SNX22: variants seen among roughly 807,000 people sequenced by gnomAD.
The protein encoded by SNX22 is sorting nexin 22.
In SNX22, 23 loss-of-function variants were observed where a neutral mutation model predicts 24.7. The ratio of observed to expected loss-of-function variants is 0.93; its 90% CI spans 0.67 to 1.32. The LOEUF (loss-of-function observed/expected upper bound fraction) is 1.32. Ranked by LOEUF, SNX22 falls within the 40% of genes most tolerant of loss-of-function variation. The probability of loss-of-function intolerance (pLI) is 0.00; values close to 1 mark genes in which losing one functional copy is unlikely to be tolerated. For missense variants in SNX22, 261 were observed against 249.9 expected (o/e 1.04, Z -0.30); for synonymous variants, 99 against 104.0 (o/e 0.95, Z 0.29).
At chr15:64,152,133 C>A in intron 1 of SNX22, 110 bp from the exon 2 acceptor site, 1 of 1,130,322 alleles carries the variant, frequency 8.8e-7, no homozygotes, top group Non-Finnish European at 1.2e-6. Context: ...CGCCGCAAGG[C>A]CGCTTTGTGC....
At chr15:64,154,059 C>T (rs746039379) in intron 6 of SNX22, 57 bp downstream of exon 6, 13 of 1,613,746 alleles carry the variant, frequency 8.1e-6, no homozygotes, top group African/African-American at 5.3e-5. Context: ...TTGCATTTCT[C>T]GGCTCCTGGG....
In SNX22 at chr15:64,155,862, G is replaced by A; in HGVS notation, c.*1354G>A. On this transcript the variant is annotated 3_prime_UTR_variant, in exon 7 of 7. Transcript: ENST00000325881. Reference sequence around the variant, plus strand: ...ACATTTTTTTTTATTGGTCAGTGTTGGTAGGAGTTTGTTACAAAAGTGAGT... The same window carrying A: ...ACATTTTTTTTTATTGGTCAGTGTTAGTAGGAGTTTGTTACAAAAGTGAGT... 9.6e-7 allele frequency: 1 copy of A among 1,044,452 alleles called. No individual in the cohort carries two copies. Among genetic ancestry groups the A allele is most frequent in the Non-Finnish European group, 1.5e-6 (1 of 686,862 alleles). 64.7% of individuals were successfully genotyped at this position (1,044,452 alleles called of 1,614,324 possible).
chr15:64,156,650 G>A lies in SNX22; in HGVS notation c.*2142G>A. 1 of 1,562,928 alleles carries A rather than the reference G, an allele frequency of 6.4e-7. No homozygotes were observed. Among genetic ancestry groups the A allele is most frequent in the Non-Finnish European group, 8.8e-7 (1 of 1,133,722 alleles). ...CTTTTGGGAAAGGGATGGACACATG[G>A]AGCTCCTGCCCTGGGGTCTGTGTTG... On this transcript the variant is annotated 3_prime_UTR_variant, in exon 7 of 7. Coordinates refer to ENST00000325881, the MANE Select transcript of SNX22 (RefSeq NM_024798.3). The surrounding 1 kb of genome is among the most constrained non-coding windows in gnomAD (Gnocchi z 6.4).
At chr15:64,154,299 T>C in intron 6 of SNX22, 88 bp from the exon 7 acceptor site, 3 of 1,590,362 alleles carry the variant, frequency 1.9e-6, no homozygotes, top group Non-Finnish European at 2.6e-6. Context: ...TGGCAGGGGC[T>C]CCTACTCCCA....
intron 6 of SNX22, 80 bp from the exon 7 acceptor site, chr15:64,154,307 C>T: frequency 6.3e-7 from 1 of 1,594,752 alleles, no homozygotes; most frequent in South Asian, 1.1e-5. Flanking sequence ...GCTCCTACTC[C>T]CAAGTGGGGG....
At chr15:64,154,154 A>T (rs751161970) in intron 6 of SNX22, 152 bp downstream of exon 6, 14 of 1,581,760 alleles carry the variant, frequency 8.9e-6, no homozygotes, top group Non-Finnish European at 8.6e-7. Flanking sequence ...CTTTGTAGAC[A>T]CAAGGAAAAC....
In SNX22 at chr15:64,154,779, T is replaced by C. The variant is rs916280325; in HGVS notation, c.*271T>C. 4.1e-5 allele frequency: 12 copies of C among 294,706 alleles called. No individual in the cohort carries two copies. Among genetic ancestry groups the C allele is most frequent in the Admixed American group, 4.0e-4 (9 of 22,270 alleles). 18.3% of individuals were successfully genotyped at this position (294,706 alleles called of 1,614,324 possible). On this transcript the variant is annotated 3_prime_UTR_variant, in exon 7 of 7. Transcript: ENST00000325881. ...TCAGCCAGGCGCGGTGGCTCATGCCTGTAATCCCAGCACTTTGGGAGGCCA... is the reference window on the plus strand; with the variant it reads ...TCAGCCAGGCGCGGTGGCTCATGCCCGTAATCCCAGCACTTTGGGAGGCCA...
rs546849346 is a variant in SNX22, at chr15:64,155,317, C to G, written c.*809C>G. 2 of 152,430 alleles carry G rather than the reference C, an allele frequency of 1.3e-5. No individual in the cohort carries two copies. The highest frequency in any genetic ancestry group is 4.8e-5 in the African/African-American group (2 of 41,372). 9.4% of individuals were successfully genotyped at this position (152,430 alleles called of 1,614,324 possible). On this transcript the variant is annotated 3_prime_UTR_variant, in exon 7 of 7. Coordinates refer to ENST00000325881, the MANE Select transcript of SNX22 (RefSeq NM_024798.3). ...GGCGGAAGTTGTGGTGAGCCGAGAT[C>G]GCGCCACTGCACTCCAGCCTGGGCA...
In SNX22 at chr15:64,156,353, GAAGT is replaced by G; in HGVS notation, c.*1849_*1852del. The G allele has an allele frequency of 6.9e-6, 5 of 726,666 alleles. No individual in the cohort carries two copies. Among genetic ancestry groups the G allele is most frequent in the South Asian group, 5.0e-5 (3 of 59,416 alleles). 45.0% of individuals were successfully genotyped at this position (726,666 alleles called of 1,614,324 possible). On this transcript the variant is annotated 3_prime_UTR_variant, in exon 7 of 7. Transcript: ENST00000325881. The surrounding 1 kb of genome is among the most constrained non-coding windows in gnomAD (Gnocchi z 6.4). ...GGGGGTACAGGAATTTTGTTCCTTT[GAAGT>G]AAGACCCAGGTTGGGCCAAGGGTGA...
chr15:64,153,921 C>T lies in SNX22; in HGVS notation c.393-14C>T. ...CCTCCCGCACCCATGGTTCATGACC[C>T]TGTTTCCTCCCAGCTCCCAGCAGCA... is the stretch of plus-strand genomic sequence containing the variant. On this transcript the variant is annotated splice_polypyrimidine_tract_variant and intron_variant, in intron 5 of 6. Coordinates refer to ENST00000325881, the MANE Select transcript of SNX22 (RefSeq NM_024798.3). The T allele has an allele frequency of 1.2e-6, 2 of 1,609,678 alleles. No homozygotes were observed. Among genetic ancestry groups the T allele is most frequent in the Admixed American group, 1.7e-5 (1 of 59,816 alleles).
chr15:64,156,839 C>T lies in SNX22; in HGVS notation c.*2331C>T. ...TGTCTTTGCCTGCGTTGGCCATGCT[C>T]ACCCAGCCAGGCCCGTAGTGCTTCA... On this transcript the variant is annotated 3_prime_UTR_variant, in exon 7 of 7. Coordinates refer to ENST00000325881, the MANE Select transcript of SNX22 (RefSeq NM_024798.3). This position sits in a 1 kb window ranked among gnomAD's most constrained non-coding sequence, Gnocchi z 6.4. The T allele has an allele frequency of 6.2e-7, 1 of 1,614,208 alleles. No homozygotes were observed. The highest frequency in any genetic ancestry group is 1.1e-5 in the South Asian group (1 of 91,084).
chr15:64,153,263 C>A lies in SNX22; in HGVS notation c.283C>A (p.Gln95Lys), dbSNP rs547216183. 1.5e-5 allele frequency: 24 copies of A among 1,614,072 alleles called. No homozygotes were observed. The highest frequency in any genetic ancestry group is 1.9e-5 in the Non-Finnish European group (23 of 1,180,032). ...AYIQGILYLN[Q>K]EVPKELLEFL... The stretch of plus-strand genomic sequence containing the variant: ...TCTCCAGGGCATCCTGTACCTGAAC[C>A]AGGAGGTGCCCAAGGAGTTACTGGA... Residue 95 changes from glutamine to lysine, a missense_variant, in exon 4 of 7, where the codon CAG (glutamine) becomes AAG (lysine). By Grantham distance (53) the Gln-to-Lys change is moderately conservative. Transcript: ENST00000325881.
rs1313806288 is a variant in SNX22 at position 64,152,341 on chromosome 15, A to C, written c.159+15A>C. The C allele has an allele frequency of 9.0e-5, 135 of 1,502,402 alleles. No homozygotes were observed. Among genetic ancestry groups the C allele is most frequent in the Middle Eastern group, 2.1e-4 (1 of 4,680 alleles). The allele number at this position is 1,502,402 out of a possible 1,614,324, so 93.1% of individuals were successfully genotyped here. A position where few individuals can be genotyped will look rare whatever the true frequency, so the allele number is the denominator to read the frequency against. On this transcript the variant is annotated intron_variant, in intron 2 of 6. Coordinates refer to ENST00000325881, the MANE Select transcript of SNX22 (RefSeq NM_024798.3). Reference sequence around the variant, plus strand: ...TGCACAAGCGGGTGAGGCGGCGCCGACCTCCCACCGGCCCCGGCCCAGCCT... The same window carrying C: ...TGCACAAGCGGGTGAGGCGGCGCCGCCCTCCCACCGGCCCCGGCCCAGCCT...
chr15:64,156,648 T>G lies in SNX22; in HGVS notation c.*2140T>G. ...TCCTTTTGGGAAAGGGATGGACACATGGAGCTCCTGCCCTGGGGTCTGTGT... is the reference window on the plus strand; with the variant it reads ...TCCTTTTGGGAAAGGGATGGACACAGGGAGCTCCTGCCCTGGGGTCTGTGT... On this transcript the variant is annotated 3_prime_UTR_variant, in exon 7 of 7. Coordinates refer to ENST00000325881, the MANE Select transcript of SNX22 (RefSeq NM_024798.3). The surrounding 1 kb of genome is among the most constrained non-coding windows in gnomAD (Gnocchi z 6.4). The G allele has an allele frequency of 1.3e-6, 2 of 1,558,470 alleles. No homozygotes were observed. The highest frequency in any genetic ancestry group is 1.8e-6 in the Non-Finnish European group (2 of 1,129,716).
rs1201669579 is a variant in SNX22, at chr15:64,157,165, G to A, written c.*2657G>A. On this transcript the variant is annotated 3_prime_UTR_variant, in exon 7 of 7. Transcript: ENST00000325881. The surrounding 1 kb of genome is among the most constrained non-coding windows in gnomAD (Gnocchi z 4.2). ...AGGATTACTTTGAGAAGATAGTTTT[G>A]TGGCTTTTAAATAAGGCGCATGTTA... 2.0e-5 allele frequency: 11 copies of A among 556,572 alleles called. No individual in the cohort carries two copies. Among genetic ancestry groups the A allele is most frequent in the Middle Eastern group, 4.7e-4 (1 of 2,110 alleles). The allele number at this position is 556,572 out of a possible 1,614,324, so 34.5% of individuals were successfully genotyped here.
chr15:64,154,327 T>C, intron 6 of SNX22, 60 bp from the exon 7 acceptor site: 1 of 1,605,844 alleles, frequency 6.2e-7, no homozygotes, highest in Non-Finnish European at 8.5e-7. Context: ...GCTGAGCCCA[T>C]GAGCAGGAGC....
At chr15:64,153,713 C>T in intron 5 of SNX22, 29 bp downstream of exon 5, 1 of 1,613,920 alleles carries the variant, frequency 6.2e-7, no homozygotes, top group Non-Finnish European at 8.5e-7. Context: ...CCGCGCTTGG[C>T]CCCTGCTGCC....
chr15:64,154,548 G>C lies in SNX22; in HGVS notation c.*40G>C. On this transcript the variant is annotated 3_prime_UTR_variant, in exon 7 of 7. Coordinates refer to ENST00000325881, the MANE Select transcript of SNX22 (RefSeq NM_024798.3). The stretch of plus-strand genomic sequence containing the variant: ...TTTGGCTGCCTCCTAAGAAAGTCAT[G>C]TGCCTCTGTCCTATGAACTCCATAT... 6.2e-7 allele frequency: 1 copy of C among 1,611,160 alleles called. No individual in the cohort carries two copies. The highest frequency in any genetic ancestry group is 8.5e-7 in the Non-Finnish European group (1 of 1,178,066).
chr15:64,154,638 TC>T lies in SNX22; in HGVS notation c.*133del. ...TACCCAGTGCCCAGTTGTGCCACAT[TC>T]CCACTCAAGGCTCAGAACTTGGCTC... On this transcript the variant is annotated 3_prime_UTR_variant, in exon 7 of 7. Transcript: ENST00000325881. 1 of 1,250,214 alleles carries T rather than the reference TC, an allele frequency of 8.0e-7. No homozygotes were observed. Among genetic ancestry groups the T allele is most frequent in the Non-Finnish European group, 1.1e-6 (1 of 900,164 alleles). 77.4% of individuals were successfully genotyped at this position (1,250,214 alleles called of 1,614,324 possible).
Sources: gnomAD v4.1 joint callset for allele counts on GRCh38, gnomAD v4.1.1 for gene constraint, Gnocchi (gnomAD v3.1) non-coding constraint, MANE v1.5 for transcripts, NCBI Gene and HGNC (gene_info 2026-07-23, HGNC 2026-07-21) for gene names.